Variants in MEI4 observed in about 807,000 individuals in gnomAD.
The protein encoded by MEI4 is meiotic double-stranded break formation protein 4.
A neutral mutation model predicts 31.4 loss-of-function variants in MEI4; 27 were observed. That is an observed-to-expected ratio of 0.86 (90% CI 0.63 to 1.19). MEI4 has a LOEUF of 1.19. MEI4 is among the 50% of genes most tolerant of loss of function. The pLI, the probability that MEI4 is intolerant of heterozygous loss-of-function variation, is 0.00. For synonymous variants in MEI4, 122 were observed against 145.4 expected (o/e 0.84, Z 1.16); for missense variants, 329 against 398.9 (o/e 0.82, Z 1.49).
chr6:77,926,953 G>C lies in MEI4; in HGVS notation c.*3607G>C, dbSNP rs937269108. 6.6e-6 allele frequency: 1 copy of C among 151,656 alleles called. No individual in the cohort carries two copies. Among genetic ancestry groups the C allele is most frequent in the Non-Finnish European group, 1.5e-5 (1 of 67,850 alleles). The allele number at this position is 151,656 out of a possible 1,614,324, so 9.4% of individuals were successfully genotyped here. A position where few individuals can be genotyped will look rare whatever the true frequency, so the allele number is the denominator to read the frequency against. On this transcript the variant is annotated 3_prime_UTR_variant, in exon 5 of 5. Transcript: ENST00000684080. ...AATTGTATAATACAAAATTTATCTGGTTAATAAATATACTGGTCTTGTAAG... is the reference window on the plus strand; with the variant it reads ...AATTGTATAATACAAAATTTATCTGCTTAATAAATATACTGGTCTTGTAAG...
intron 4 of MEI4, among the ~76,000 whole-genome samples, chr6:77,860,714 A>C (rs1770843688): frequency 6.6e-6 from 1 of 152,124 alleles, no homozygotes; most frequent in Admixed American, 6.5e-5. Flanking sequence ...ATTGAATATC[A>C]GTGTCTCCAA....
At chr6:77,679,367 A>G (rs1486229261) in intron 1 of MEI4, among the ~76,000 whole-genome samples, 2 of 151,484 alleles carry the variant, frequency 1.3e-5, no homozygotes, top group Admixed American at 6.6e-5. Context: ...TACTTTTTCT[A>G]TGTTTAGATA....
chr6:77,795,443 A>C (rs1769049019), intron 3 of MEI4, among the ~76,000 whole-genome samples: 1 of 152,098 alleles, frequency 6.6e-6, no homozygotes, highest in African/African-American at 2.4e-5. Context: ...GACCTAGCTT[A>C]AATCACACAC....
chr6:77,697,160 C>G (rs948319159), intron 2 of MEI4, among the ~76,000 whole-genome samples: 1 of 152,004 alleles, frequency 6.6e-6, no homozygotes, highest in Admixed American at 6.6e-5. Context: ...TCTCTCTTTT[C>G]TTCTTTATTA....
intron 4 of MEI4, among the ~76,000 whole-genome samples, chr6:77,871,402 A>T (rs1466030286): frequency 6.6e-6 from 1 of 152,192 alleles, no homozygotes; most frequent in African/African-American, 2.4e-5. Context: ...TACACATATC[A>T]TAACATATCA....
At chr6:77,768,307 A>G (rs889418481) in intron 3 of MEI4, among the ~76,000 whole-genome samples, 1 of 152,324 alleles carries the variant, frequency 6.6e-6, no homozygotes, top group African/African-American at 2.4e-5. Context: ...GAAAATATTC[A>G]TTGGTAATGA....
chr6:77,693,924 C>T lies in MEI4; in HGVS notation c.232+3021C>T, dbSNP rs143561440. ...TGAGTGTGTAGAGACAGAAAGTACT[C>T]AATAAATGTTGAATTGAATGATTCT... On this transcript the variant is annotated intron_variant, in intron 2 of 4. Transcript: ENST00000684080. Among the ~76,000 whole-genome samples, 717 of 152,122 alleles carry T rather than the reference C, an allele frequency of 4.7e-3. 6 individuals carry two copies. The highest frequency in any genetic ancestry group is 0.016 in the African/African-American group (670 of 41,504).
At chr6:77,860,436 C>A (rs938338080) in intron 4 of MEI4, among the ~76,000 whole-genome samples, 2 of 152,132 alleles carry the variant, frequency 1.3e-5, no homozygotes, top group African/African-American at 2.4e-5. Flanking sequence ...TATTCACACT[C>A]AGATAAGTGT....
intron 4 of MEI4, among the ~76,000 whole-genome samples, chr6:77,870,883 C>T (rs775296715): frequency 3.5e-4 from 53 of 152,126 alleles, no homozygotes; most frequent in African/African-American, 1.7e-4. Context: ...AAAATGACTA[C>T]TGAAGTACAG....
intron 2 of MEI4, among the ~76,000 whole-genome samples, chr6:77,697,698 AT>A (rs1195882825): frequency 2.0e-5 from 3 of 152,234 alleles, no homozygotes; most frequent in African/African-American, 7.2e-5. Context: ...TATGTGGTCA[AT>A]TTTGGAACAG....
At chr6:77,823,321 C>T (rs953609967) in intron 3 of MEI4, among the ~76,000 whole-genome samples, 1 of 152,164 alleles carries the variant, frequency 6.6e-6, no homozygotes, top group Non-Finnish European at 1.5e-5. Flanking sequence ...TCTAAGTACA[C>T]TGAAATTTTA....
At chr6:77,817,628 TTTTTTA>T (rs1178961662) in intron 3 of MEI4, among the ~76,000 whole-genome samples, 2 of 151,678 alleles carry the variant, frequency 1.3e-5, no homozygotes, top group Admixed American at 6.6e-5. Flanking sequence ...TCAATTTGTA[TTTTTTA>T]TTTTTACTAT....
intron 4 of MEI4, among the ~76,000 whole-genome samples, chr6:77,863,609 G>C (rs1243533883): frequency 6.6e-6 from 1 of 152,008 alleles, no homozygotes; most frequent in Non-Finnish European, 1.5e-5. Context: ...CGTCTGATTG[G>C]TACCTGAAAG....
chr6:77,921,791 T>G (rs892968226), intron 4 of MEI4, among the ~76,000 whole-genome samples: 1 of 151,760 alleles, frequency 6.6e-6, no homozygotes, highest in Non-Finnish European at 1.5e-5. Context: ...TAATGGCCAA[T>G]TGGTGAAGCA....
chr6:77,905,475 CTTTTTTTTTT>C (rs70974691), intron 4 of MEI4, among the ~76,000 whole-genome samples: 6 of 93,344 alleles, frequency 6.4e-5, no homozygotes, highest in African/African-American at 1.5e-4. Context: ...AAATTTTCAG[CTTTTTTTTTT>C]TTTTTTTTTT....
In MEI4 at chr6:77,789,771, A is replaced by T. The variant is rs537837955; in HGVS notation, c.768+28106A>T. 1.2e-4 allele frequency among the ~76,000 whole-genome samples: 19 copies of T among 152,292 alleles called. No individual in the cohort carries two copies. In the East Asian group the frequency reaches 3.5e-3, roughly 28 times the overall value. ...CAGGAAACAACAGGTGCTGGAGAGG[A>T]TGTGGAGAAATAGGAACACTTTTAC... On this transcript the variant is annotated intron_variant, in intron 3 of 4. Coordinates refer to ENST00000684080, the MANE Select transcript of MEI4 (RefSeq NM_001322247.2).
intron 4 of MEI4, among the ~76,000 whole-genome samples, chr6:77,863,178 TCTC>T (rs1770914263): frequency 1.3e-5 from 2 of 151,908 alleles, no homozygotes; most frequent in South Asian, 4.1e-4. Context: ...TCAGAGCACC[TCTC>T]CTCCTCCAAA....
intron 4 of MEI4, among the ~76,000 whole-genome samples, chr6:77,835,068 G>A (rs1770181363): frequency 6.6e-6 from 1 of 150,980 alleles, no homozygotes; most frequent in Non-Finnish European, 1.5e-5. Flanking sequence ...CCACCAGCCT[G>A]ATCGAACCCT....
intron 2 of MEI4, among the ~76,000 whole-genome samples, chr6:77,715,526 C>T (rs754321224): frequency 1.6e-4 from 25 of 152,170 alleles, no homozygotes; most frequent in Non-Finnish European, 1.5e-5. Context: ...AATGATTGAC[C>T]AGTGAGCTTT....
Sources: gnomAD v4.1 joint callset for allele counts (sites outside exome capture counted in the v4.1 genomes callset) on GRCh38, gnomAD v4.1.1 for gene constraint, MANE v1.5 for transcripts, NCBI Gene and HGNC (gene_info 2026-07-23, HGNC 2026-07-21) for gene names.